Variants in CPS1 observed in about 807,000 individuals in gnomAD.
CPS1 encodes the protein carbamoyl-phosphate synthase 1.
A neutral mutation model predicts 174.6 loss-of-function variants in CPS1; 109 were observed. The observed-to-expected ratio is 0.62, with a 90% confidence interval of 0.53 to 0.73. The LOEUF is 0.73. Among genes scored for constraint, CPS1 ranks in the 30% least tolerant of loss-of-function variants. CPS1 has a pLI of 0.00. For missense variants in CPS1, 1,689 were observed against 1,821.9 expected, an observed-to-expected ratio of 0.93 and a Z score of 1.33; for synonymous variants, 637 against 632.0, an observed-to-expected ratio of 1.01 and a Z score of -0.12.
At chr2:210,674,663 A>G (rs2105942480) in intron 34 of CPS1, 2 of 548,260 alleles carry the variant, frequency 3.6e-6, no homozygotes, top group East Asian at 6.3e-5. Context: ...ATAAAAGGAG[A>G]TAAGAACAAG....
intron 1 of CPS1, among the ~76,000 whole-genome samples, chr2:210,490,854 A>G (rs1160529774): frequency 6.6e-6 from 1 of 152,180 alleles, no homozygotes; most frequent in Non-Finnish European, 1.5e-5. Context: ...TTTTGTGTGT[A>G]AGATAATATT....
chr2:210,522,409 A>G (rs551983333), intron 1 of CPS1, among the ~76,000 whole-genome samples: 2 of 152,078 alleles, frequency 1.3e-5, no homozygotes, highest in South Asian at 4.2e-4. Flanking sequence ...CTTTAGCTAG[A>G]GTAGATTTTG....
intron 35 of CPS1, 29 bp from the exon 36 acceptor site, chr2:210,675,699 G>C: frequency 3.0e-6 from 3 of 1,001,120 alleles, no homozygotes; most frequent in Non-Finnish European, 4.8e-6. Flanking sequence ...ACTGTGATAC[G>C]GTAATTGATT....
intron 21 of CPS1, 27 bp from the exon 22 acceptor site, chr2:210,637,675 G>T (rs1271234920): frequency 6.2e-7 from 1 of 1,613,346 alleles, no homozygotes; most frequent in African/African-American, 1.3e-5. Flanking sequence ...GTCTAAACTT[G>T]AATCTCTCTT....
Position 210,509,635 on chromosome 2 carries a change from C to T in CPS1, c.3+31869C>T, listed in dbSNP as rs577183364. ...GTGATAGTATATCTAGAAAACCCAT[C>T]GTCTCAGCCCAAAATCTCCTTAAGC... is the stretch of plus-strand genomic sequence containing the variant. On this transcript the variant is annotated intron_variant, in intron 1 of 38. Coordinates refer to the CPS1 transcript ENST00000430249. Among the ~76,000 whole-genome samples, 156 of 152,230 alleles carry T rather than the reference C, an allele frequency of 1.0e-3. 1 individual carries two copies. The highest frequency in any genetic ancestry group is 5.2e-3 in the South Asian group (25 of 4,814).
chr2:210,492,418 A>G (rs563311991), intron 1 of CPS1, among the ~76,000 whole-genome samples: 1 of 152,372 alleles, frequency 6.6e-6, no homozygotes, highest in Admixed American at 6.5e-5. Context: ...AGCATTTACT[A>G]CGTTTACTAT....
chr2:210,587,730 A>G lies in CPS1; in HGVS notation c.622-328A>G, dbSNP rs373200346. ...CTGAATCAGGCAATAATGCTTAAAC[A>G]TTTCATTGCTACCAGTTGTTAATGA... On this transcript the variant is annotated intron_variant, in intron 6 of 37. Transcript: ENST00000233072. 2.6e-5 allele frequency among the ~76,000 whole-genome samples: 4 copies of G among 152,080 alleles called. No individual in the cohort carries two copies. In the East Asian group the frequency reaches 5.8e-4, roughly 22 times the overall value.
At chr2:210,614,062 C>A (rs989155991) in intron 20 of CPS1, among the ~76,000 whole-genome samples, 1 of 151,898 alleles carries the variant, frequency 6.6e-6, no homozygotes, top group African/African-American at 2.4e-5. Context: ...ATTTTTACAG[C>A]AGTCTTATTT....
chr2:210,579,680 C>A, intron 4 of CPS1, 34 bp from the exon 5 acceptor site: 7 of 1,555,192 alleles, frequency 4.5e-6, no homozygotes, highest in Non-Finnish European at 6.2e-6. Context: ...TAATCTCCTC[C>A]AATTTCACTG....
At chr2:210,536,389 C>T (rs1236497852) in intron 1 of CPS1, among the ~76,000 whole-genome samples, 1 of 146,554 alleles carries the variant, frequency 6.8e-6, no homozygotes, top group Admixed American at 6.9e-5. Context: ...GGCGTGATCT[C>T]GGCTCACTGC....
intron 2 of CPS1, 74 bp from the exon 3 acceptor site, chr2:210,576,272 A>C (rs568542162): frequency 6.8e-7 from 1 of 1,474,162 alleles, no homozygotes; most frequent in East Asian, 2.3e-5. Context: ...TAAATAATTC[A>C]GAGCATGTAT....
At chr2:210,593,315 T>C (rs1698373525) in intron 11 of CPS1, 1 of 1,125,086 alleles carries the variant, frequency 8.9e-7, no homozygotes. Flanking sequence ...TAATCCCCCA[T>C]CTGTGACTTC....
At chr2:210,603,435 C>T (rs946617565) in intron 16 of CPS1, among the ~76,000 whole-genome samples, 7 of 151,994 alleles carry the variant, frequency 4.6e-5, no homozygotes, top group Admixed American at 4.6e-4. Flanking sequence ...AAAAGGGAAA[C>T]ATACCTCACA....
chr2:210,576,388 T>C lies in CPS1; in HGVS notation c.279T>C (p.Ile93=). The C allele has an allele frequency of 6.2e-7, 1 of 1,613,800 alleles. No individual in the cohort carries two copies. The highest frequency in any genetic ancestry group is 8.5e-7 in the Non-Finnish European group (1 of 1,179,762). ...AITDPAYKGQ[I]LTMANPIIGN... ...CTGACCCTGCCTACAAAGGACAGAT[T>C]CTCACAATGGCCAACCCTATTATTG... The change falls in exon 3 of 38, where the codon ATT becomes ATC. Residue 93 remains isoleucine (I), a synonymous_variant. Transcript: ENST00000233072.
chr2:210,676,073 T>G (rs779640855), intron 36 of CPS1, among the ~76,000 whole-genome samples: 1 of 152,250 alleles, frequency 6.6e-6, no homozygotes, highest in African/African-American at 2.4e-5. Flanking sequence ...ATACTTTCCT[T>G]GACGGAAACA....
At chr2:210,652,843 G>T (rs925907355) in intron 28 of CPS1, among the ~76,000 whole-genome samples, 2 of 152,114 alleles carry the variant, frequency 1.3e-5, no homozygotes, top group Non-Finnish European at 2.9e-5. Flanking sequence ...ATCACTGAGG[G>T]AGAGAGTATA....
intron 30 of CPS1, chr2:210,658,164 A>C (rs1700782702): frequency 4.3e-6 from 1 of 233,406 alleles, no homozygotes; most frequent in African/African-American, 2.3e-5. Context: ...GAAAAGCAAC[A>C]CAAAAGAAAT....
intron 1 of CPS1, among the ~76,000 whole-genome samples, chr2:210,510,770 A>C (rs1371189353): frequency 1.3e-5 from 2 of 152,242 alleles, no homozygotes; most frequent in East Asian, 3.8e-4. Flanking sequence ...GCCAAAAGAC[A>C]CATGAAAAAA....
chr2:210,597,568 C>G (rs997599052), intron 13 of CPS1, among the ~76,000 whole-genome samples: 2 of 151,724 alleles, frequency 1.3e-5, no homozygotes, highest in Non-Finnish European at 2.9e-5. Context: ...AGATCCTCCC[C>G]AAAGATATGT....
Sources: allele counts gnomAD v4.1 joint callset (sites outside exome capture counted in the v4.1 genomes callset), GRCh38; gene constraint gnomAD v4.1.1; transcripts MANE v1.5; gene names NCBI Gene and HGNC (gene_info 2026-07-23, HGNC 2026-07-21).